The following EXOC4 variants were observed in gnomAD, a reference collection of about 807,000 sequenced individuals.
The protein encoded by EXOC4 is SEC8-like 1.
EXOC4 carries 71 observed loss-of-function variants against 107.2 expected under a neutral mutation model. The ratio of observed to expected loss-of-function variants is 0.66; its 90% CI spans 0.55 to 0.81. EXOC4 has a LOEUF of 0.81. Among genes scored for constraint, EXOC4 ranks in the 30% least tolerant of loss-of-function variants. The pLI, the probability that EXOC4 is intolerant of heterozygous loss-of-function variation, is 0.00. For missense variants in EXOC4, 1,108 were observed against 1,189.6 expected (o/e 0.93, Z 1.01); for synonymous variants, 456 against 441.2 (o/e 1.03, Z -0.42).
At chr7:133,364,313 T>C (rs1457319318) in intron 6 of EXOC4, among the ~76,000 whole-genome samples, 1 of 151,900 alleles carries the variant, frequency 6.6e-6, no homozygotes, top group Non-Finnish European at 1.5e-5. Context: ...GTATTTTTTT[T>C]TTTTTTTTAA....
At chr7:134,030,077 T>C (rs1795235359) in intron 17 of EXOC4, among the ~76,000 whole-genome samples, 1 of 152,174 alleles carries the variant, frequency 6.6e-6, no homozygotes, top group African/African-American at 2.4e-5. Flanking sequence ...TTCCTGGAGC[T>C]ACAAAGATAA....
chr7:133,806,860 G>A (rs1227931478), intron 10 of EXOC4, among the ~76,000 whole-genome samples: 2 of 152,152 alleles, frequency 1.3e-5, no homozygotes, highest in Non-Finnish European at 2.9e-5. Context: ...ACTTCATAGT[G>A]TTATAAGGAA....
At chr7:133,627,560 A>G (rs1480215440) in intron 9 of EXOC4, among the ~76,000 whole-genome samples, 1 of 152,218 alleles carries the variant, frequency 6.6e-6, no homozygotes, top group African/African-American at 2.4e-5. Context: ...CATCTCTTTC[A>G]TGAATCAATT....
At chr7:133,464,324 A>C (rs1242773707) in intron 7 of EXOC4, among the ~76,000 whole-genome samples, 1 of 152,198 alleles carries the variant, frequency 6.6e-6, no homozygotes. Context: ...AGAAAGATTA[A>C]GTAACTTGAC....
At chr7:133,635,831 G>T (rs1802694453) in intron 10 of EXOC4, among the ~76,000 whole-genome samples, 1 of 152,190 alleles carries the variant, frequency 6.6e-6, no homozygotes, top group African/African-American at 2.4e-5. Context: ...GCTCCCTGGA[G>T]TCCCTTCCTC....
intron 10 of EXOC4, among the ~76,000 whole-genome samples, chr7:133,648,869 A>G (rs1229028658): frequency 3.3e-5 from 5 of 152,334 alleles, no homozygotes; most frequent in African/African-American, 9.6e-5. Context: ...CAATTTATGA[A>G]AGGAAAGCAT....
intron 8 of EXOC4, chr7:133,479,637 T>C (rs998579627): frequency 5.3e-6 from 1 of 187,834 alleles, no homozygotes; most frequent in South Asian, 1.2e-4. Flanking sequence ...GAGGAGCCAG[T>C]GTGTCTGTGT....
chr7:133,382,487 T>TA (rs1440441474), intron 7 of EXOC4, among the ~76,000 whole-genome samples: 3 of 152,138 alleles, frequency 2.0e-5, no homozygotes, highest in Non-Finnish European at 4.4e-5. Flanking sequence ...GATTTTTGGT[T>TA]AAGTTTCTAT....
intron 14 of EXOC4, among the ~76,000 whole-genome samples, chr7:133,970,534 A>G (rs1801182155): frequency 6.6e-6 from 1 of 152,026 alleles, no homozygotes; most frequent in South Asian, 2.1e-4. Flanking sequence ...AAAGCATAGT[A>G]TCTGGGCCGG....
chr7:134,099,184 CCCATAAATGG>C, the EXOC4 span, among the ~76,000 whole-genome samples: 1 of 152,092 alleles, frequency 6.6e-6, no homozygotes, highest in Non-Finnish European at 1.5e-5. Context: ...AGCCTCTAAT[CCCATAAATGG>C]TGTCCTTGTA....
At chr7:133,565,737 G>C (rs921367524) in intron 9 of EXOC4, among the ~76,000 whole-genome samples, 1 of 151,944 alleles carries the variant, frequency 6.6e-6, no homozygotes, top group South Asian at 2.1e-4. Flanking sequence ...GAATCTTCTG[G>C]GTTTTTGTTT....
chr7:133,629,786 A>G (rs1035533292), intron 9 of EXOC4, among the ~76,000 whole-genome samples: 69 of 150,650 alleles, frequency 4.6e-4, no homozygotes, highest in Non-Finnish European at 9.2e-4. Flanking sequence ...CAAGTGATCC[A>G]CCCTCCTCAG....
At chr7:133,704,643 A>G (rs562296744) in intron 10 of EXOC4, among the ~76,000 whole-genome samples, 52 of 152,288 alleles carry the variant, frequency 3.4e-4, no homozygotes, top group South Asian at 1.2e-3. Flanking sequence ...ATTGTATTAC[A>G]CTTTGTGAGT....
chr7:133,613,916 G>T (rs1395876580), intron 9 of EXOC4, among the ~76,000 whole-genome samples: 2 of 152,124 alleles, frequency 1.3e-5, no homozygotes, highest in South Asian at 4.1e-4. Flanking sequence ...TAAGGCAAAA[G>T]GAAGGTGAAG....
chr7:133,516,819 T>A (rs904793007), intron 9 of EXOC4, among the ~76,000 whole-genome samples: 1 of 132,310 alleles, frequency 7.6e-6, no homozygotes, highest in Non-Finnish European at 1.6e-5. Flanking sequence ...TTAGTTAAGA[T>A]ATTTTTACTT....
intron 9 of EXOC4, among the ~76,000 whole-genome samples, chr7:133,629,469 C>T (rs1460472069): frequency 6.6e-6 from 1 of 152,150 alleles, no homozygotes; most frequent in Non-Finnish European, 1.5e-5. Context: ...TTAAATGTCG[C>T]ATTTATTCTT....
intron 11 of EXOC4, among the ~76,000 whole-genome samples, chr7:133,848,353 T>C (rs1347208752): frequency 1.3e-5 from 2 of 152,178 alleles, no homozygotes; most frequent in African/African-American, 4.8e-5. Flanking sequence ...GTATTATAGC[T>C]GGTTTCCCTC....
intron 10 of EXOC4, among the ~76,000 whole-genome samples, chr7:133,743,493 C>T (rs1230503870): frequency 6.6e-6 from 1 of 152,172 alleles, no homozygotes; most frequent in Non-Finnish European, 1.5e-5. Context: ...TTCATGTCAT[C>T]AGTTTCTGTA....
chr7:134,056,773 C>G (rs1277204462), intron 17 of EXOC4, among the ~76,000 whole-genome samples: 1 of 152,062 alleles, frequency 6.6e-6, no homozygotes, highest in Non-Finnish European at 1.5e-5. Context: ...AGAACGTGTT[C>G]CAAAGGTGGG....
Sources: allele counts gnomAD v4.1 joint callset (sites outside exome capture counted in the v4.1 genomes callset), GRCh38; gene constraint gnomAD v4.1.1; transcripts MANE v1.5; gene names NCBI Gene and HGNC (gene_info 2026-07-23, HGNC 2026-07-21).